DTNA: variants seen among roughly 807,000 people sequenced by gnomAD.
DTNA encodes the protein dystrophin-related protein 3.
Under a neutral mutation model 100.7 loss-of-function variants are expected in DTNA, and 43 were observed. The observed-to-expected ratio is 0.43, with a 90% CI of 0.33 to 0.55. DTNA has a LOEUF of 0.55. DTNA is among the 20% of genes least tolerant of loss of function. The pLI is 0.04. For synonymous variants in DTNA, 349 were observed against 347.9 expected (o/e 1.00, Z -0.04); for missense variants, 798 against 953.9 (o/e 0.84, Z 2.15).
intron 3 of DTNA, among the ~76,000 whole-genome samples, chr18:34,776,560 C>A (rs2094062201): frequency 6.6e-6 from 1 of 152,164 alleles, no homozygotes; most frequent in Non-Finnish European, 1.5e-5. Context: ...CCAGGATGGT[C>A]TTGATCTCCT....
chr18:34,576,931 G>T (rs1010475637), intron 1 of DTNA, among the ~76,000 whole-genome samples: 2 of 152,100 alleles, frequency 1.3e-5, no homozygotes, highest in African/African-American at 4.8e-5. Context: ...TTTTGTATCA[G>T]ACTTCTAGGC....
At chr18:34,805,599 A>AAGTGG (rs2095340640) in intron 4 of DTNA, among the ~76,000 whole-genome samples, 4 of 152,178 alleles carry the variant, frequency 2.6e-5, no homozygotes, top group Non-Finnish European at 5.9e-5. Context: ...TGCTAGGATT[A>AAGTGG]CAGACGTAAG....
At chr18:34,847,985 A>G (rs1323749306) in intron 13 of DTNA, among the ~76,000 whole-genome samples, 2 of 152,208 alleles carry the variant, frequency 1.3e-5, no homozygotes, top group Non-Finnish European at 2.9e-5. Flanking sequence ...GAAAGAAAAA[A>G]TGTTAAAGGC....
chr18:34,755,693 T>A, intron 1 of DTNA: 2 of 383,854 alleles, frequency 5.2e-6, no homozygotes, highest in Non-Finnish European at 4.9e-6. Flanking sequence ...TGGTAGATTG[T>A]TGTATTTAGT....
At chr18:34,542,431 G>C (rs1290349734) in intron 1 of DTNA, among the ~76,000 whole-genome samples, 1 of 151,964 alleles carries the variant, frequency 6.6e-6, no homozygotes, top group Admixed American at 6.6e-5. Flanking sequence ...ATTCCCTCCT[G>C]TGGACTATTT....
In DTNA at chr18:34,889,259, C is replaced by T. The variant is rs547774477; in HGVS notation, c.*1525C>T. ...ACAATAGTTCTCAAAGTGTGTTCCC[C>T]GGACAAGCAGCATCTGCAACACTTA... On this transcript the variant is annotated 3_prime_UTR_variant, in exon 23 of 23. Coordinates refer to ENST00000444659, the MANE Select transcript of DTNA (RefSeq NM_001386795.1). 14 of 985,020 alleles carry T rather than the reference C, an allele frequency of 1.4e-5. No homozygotes were observed. Among genetic ancestry groups the T allele is most frequent in the Admixed American group, 6.1e-5 (1 of 16,272 alleles). 61.0% of individuals were successfully genotyped at this position (985,020 alleles called of 1,614,324 possible).
intron 1 of DTNA, among the ~76,000 whole-genome samples, chr18:34,519,898 G>A (rs2042000531): frequency 6.6e-6 from 1 of 152,172 alleles, no homozygotes; most frequent in Non-Finnish European, 1.5e-5. Context: ...GCACACCCGG[G>A]TTTAAGCCCC....
intron 2 of DTNA, among the ~76,000 whole-genome samples, chr18:34,763,348 G>A (rs2093299789): frequency 1.3e-5 from 2 of 152,104 alleles, no homozygotes; most frequent in Admixed American, 6.6e-5. Flanking sequence ...CATGAAACTA[G>A]GAAAGATTTT....
intron 5 of DTNA, among the ~76,000 whole-genome samples, chr18:34,810,825 A>AT (rs1192098976): frequency 6.6e-6 from 1 of 152,158 alleles, no homozygotes; most frequent in East Asian, 1.9e-4. Context: ...ATGTACATTA[A>AT]TTTTTTTACT....
At chr18:34,524,068 G>T (rs1332520090) in intron 1 of DTNA, among the ~76,000 whole-genome samples, 1 of 152,110 alleles carries the variant, frequency 6.6e-6, no homozygotes, top group East Asian at 1.9e-4. Flanking sequence ...GAAGATGGTT[G>T]TTCCTGATCT....
rs760775859 is a variant in DTNA at position 34,875,581 on chromosome 18, C to T, written c.1903+183C>T. Reference sequence around the variant, plus strand: ...CCTACACCAATTTGTTCTCACTTCACGATTTTACCTTCCTTTGGCTTTTGT... The same window carrying T: ...CCTACACCAATTTGTTCTCACTTCATGATTTTACCTTCCTTTGGCTTTTGT... On this transcript the variant is annotated intron_variant, in intron 18 of 22. Transcript: ENST00000444659. Among the ~76,000 whole-genome samples, 5 of 152,292 alleles carry T rather than the reference C, an allele frequency of 3.3e-5. No individual in the cohort carries two copies. The South Asian group carries it at 6.2e-4, about 19-fold the overall frequency.
chr18:34,560,269 T>A (rs1328062738), intron 1 of DTNA, among the ~76,000 whole-genome samples: 1 of 152,256 alleles, frequency 6.6e-6, no homozygotes, highest in Admixed American at 6.5e-5. Flanking sequence ...TTCATTTTCC[T>A]TATATTCACA....
At chr18:34,661,723 C>T (rs758392037) in intron 1 of DTNA, among the ~76,000 whole-genome samples, 1 of 152,108 alleles carries the variant, frequency 6.6e-6, no homozygotes, top group Non-Finnish European at 1.5e-5. Context: ...TGTTCCCACC[C>T]TCTTTGCCCC....
intron 6 of DTNA, among the ~76,000 whole-genome samples, chr18:34,813,867 A>G (rs372620704): frequency 2.0e-5 from 3 of 151,484 alleles, no homozygotes; most frequent in African/African-American, 7.3e-5. Context: ...AAAAAAGTCA[A>G]TCACTTCAAA....
At chr18:34,674,408 A>T (rs2145209407) in intron 1 of DTNA, among the ~76,000 whole-genome samples, 1 of 152,298 alleles carries the variant, frequency 6.6e-6, no homozygotes, top group Admixed American at 6.5e-5. Context: ...AATAGAGAGG[A>T]TGCCTAAGCA....
intron 17 of DTNA, among the ~76,000 whole-genome samples, chr18:34,869,360 A>T (rs2096740814): frequency 6.6e-6 from 1 of 152,228 alleles, no homozygotes; most frequent in Non-Finnish European, 1.5e-5. Flanking sequence ...GTTCATTAAC[A>T]GTGTCTCCAT....
At chr18:34,577,970 T>TG (rs2048274575) in intron 1 of DTNA, among the ~76,000 whole-genome samples, 1 of 151,534 alleles carries the variant, frequency 6.6e-6, no homozygotes, top group South Asian at 2.1e-4. Flanking sequence ...TTTTTTCCTC[T>TG]GGGTAGATAC....
At chr18:34,696,187 G>A (rs2080506498) in intron 1 of DTNA, among the ~76,000 whole-genome samples, 1 of 152,084 alleles carries the variant, frequency 6.6e-6, no homozygotes, top group African/African-American at 2.4e-5. Flanking sequence ...CTTAAAGTGT[G>A]TTACATTTTA....
intron 1 of DTNA, among the ~76,000 whole-genome samples, chr18:34,754,402 CT>C (rs2092628562): frequency 6.6e-6 from 1 of 152,148 alleles, no homozygotes; most frequent in Admixed American, 6.5e-5. Flanking sequence ...GTCTTAATTG[CT>C]TTTATGCTTC....
Sources: allele counts gnomAD v4.1 joint callset (sites outside exome capture counted in the v4.1 genomes callset), GRCh38; gene constraint gnomAD v4.1.1; transcripts MANE v1.5; gene names NCBI Gene and HGNC (gene_info 2026-07-23, HGNC 2026-07-21).